Variants in BCAR3 observed in about 807,000 individuals in gnomAD.
The protein encoded by BCAR3 is BCAR3 adaptor protein, NSP family member.
Under a neutral mutation model 80.1 loss-of-function variants are expected in BCAR3, and 37 were observed. The ratio of observed to expected loss-of-function variants is 0.46; its 90% CI spans 0.36 to 0.61. BCAR3 has a LOEUF of 0.61. Ranked by LOEUF, BCAR3 falls within the 20% of genes least tolerant of loss-of-function variation. The probability of loss-of-function intolerance (pLI) is 0.00; values close to 1 mark genes in which losing one functional copy is unlikely to be tolerated. For missense variants in BCAR3, 978 were observed against 1,068.2 expected (o/e 0.92, Z 1.18); for synonymous variants, 389 against 418.9 (o/e 0.93, Z 0.87).
chr1:93,798,178 A>T (rs559942450), intron 2 of BCAR3, among the ~76,000 whole-genome samples: 1 of 152,318 alleles, frequency 6.6e-6, no homozygotes, highest in South Asian at 2.1e-4. Context: ...CAAAGGCAAA[A>T]TAGGGATGTG....
chr1:93,720,790 G>T (rs1293875525), intron 2 of BCAR3, among the ~76,000 whole-genome samples: 1 of 152,188 alleles, frequency 6.6e-6, no homozygotes, highest in African/African-American at 2.4e-5. Context: ...TACACACCCT[G>T]GGCCTGAGGG....
chr1:93,662,976 C>A (rs1400351051), intron 2 of BCAR3, among the ~76,000 whole-genome samples: 1 of 152,134 alleles, frequency 6.6e-6, no homozygotes, highest in African/African-American at 2.4e-5. Flanking sequence ...TCCAACATCA[C>A]ATGATTTGAT....
In BCAR3 at chr1:93,582,453, C is replaced by T. The variant is rs751496023; in HGVS notation, c.1534G>A (p.Val512Ile). The T allele has an allele frequency of 2.5e-6, 4 of 1,614,078 alleles. No individual in the cohort carries two copies. The Admixed American group carries it at 6.7e-5, about 27-fold the overall frequency. ...GEFVTPLLETVSSFRPNEFES... is the reference protein window; with the variant it reads ...GEFVTPLLETISSFRPNEFES... ...AACTCGTTGGGCCTGAAGGAGGAGACAGTCTCCAGGAGGGGCGTCACAAAC... is the reference window on the plus strand; with the variant it reads ...AACTCGTTGGGCCTGAAGGAGGAGATAGTCTCCAGGAGGGGCGTCACAAAC... Residue 512 changes from valine (V) to isoleucine (I), a missense_variant, in exon 7 of 12, where the codon GTC (valine) becomes ATC (isoleucine). Val to Ile is a conservative substitution (Grantham distance 29). Transcript: ENST00000260502.
At chr1:93,615,700 A>C (rs538959045) in intron 3 of BCAR3, among the ~76,000 whole-genome samples, 1 of 152,082 alleles carries the variant, frequency 6.6e-6, no homozygotes, top group Admixed American at 6.5e-5. Flanking sequence ...GCTTGCCCTC[A>C]TTTCCGTTAG....
At position 93,615,942 on chromosome 1, in the gene BCAR3, C is replaced by T. The variant is rs562685336; in HGVS notation, c.358-23549G>A. On this transcript the variant is annotated intron_variant, in intron 3 of 11. Coordinates refer to ENST00000260502, the MANE Select transcript of BCAR3 (RefSeq NM_003567.4). The stretch of plus-strand genomic sequence containing the variant: ...GGGGGGCAGTGACTGAAATCCTGCA[C>T]AGAAATTCGTGAGATTAGTCAGCCA... Among the ~76,000 whole-genome samples, 92 of 152,302 alleles carry T rather than the reference C, an allele frequency of 6.0e-4. 2 individuals carry two copies. The highest frequency in any genetic ancestry group is 2.1e-3 in the African/African-American group (89 of 41,560).
At chr1:93,618,924 GTT>G (rs796584340) in intron 3 of BCAR3, among the ~76,000 whole-genome samples, 9,241 of 135,958 alleles carry the variant, frequency 0.068, 987 homozygotes, top group African/African-American at 0.23. Context: ...GAAGCCGTGG[GTT>G]TTTTTTTTTT....
intron 3 of BCAR3, among the ~76,000 whole-genome samples, chr1:93,697,494 C>T (rs1309017719): frequency 6.6e-6 from 1 of 152,314 alleles, no homozygotes; most frequent in Non-Finnish European, 1.5e-5. Flanking sequence ...GACGCACTCT[C>T]TTGAACAGTC....
chr1:93,699,316 GA>G (rs927044345), intron 3 of BCAR3, among the ~76,000 whole-genome samples: 10 of 152,276 alleles, frequency 6.6e-5, no homozygotes, highest in African/African-American at 2.2e-4. Context: ...AAAACGAACA[GA>G]AAAAGTTTGA....
intron 2 of BCAR3, among the ~76,000 whole-genome samples, chr1:93,731,486 C>T (rs750517473): frequency 3.9e-4 from 59 of 152,100 alleles, no homozygotes; most frequent in Middle Eastern, 3.4e-3. Flanking sequence ...AGGGGAAAGC[C>T]GCTGGGCCTG....
At chr1:93,712,033 C>T (rs145986411) in intron 2 of BCAR3, among the ~76,000 whole-genome samples, 1 of 152,292 alleles carries the variant, frequency 6.6e-6, no homozygotes, top group East Asian at 1.9e-4. Context: ...ATTTCGTTTA[C>T]TGACTGTGTG....
rs138779055 is a variant in BCAR3 at position 93,716,624 on chromosome 1, C to T, written c.-62-10482G>A. Among the ~76,000 whole-genome samples, 17 of 152,294 alleles carry T rather than the reference C, an allele frequency of 1.1e-4. No individual in the cohort carries two copies. The East Asian group carries it at 1.9e-3, about 17-fold the overall frequency. The stretch of plus-strand genomic sequence containing the variant: ...CCAGAGTGTGGTAAGGTAGAGGGGA[C>T]GTTGAGACAACCAAGAGGAATGCCG... On this transcript the variant is annotated intron_variant, in intron 2 of 13. Coordinates refer to the BCAR3 transcript ENST00000370244.
intron 3 of BCAR3, among the ~76,000 whole-genome samples, chr1:93,638,027 A>G (rs188665345): frequency 2.4e-4 from 37 of 152,330 alleles, no homozygotes; most frequent in Non-Finnish European, 1.9e-4. Flanking sequence ...AGGTGAGTGG[A>G]TCACAAGGTC....
intron 3 of BCAR3, among the ~76,000 whole-genome samples, chr1:93,612,672 G>A (rs1209026838): frequency 6.6e-6 from 1 of 152,120 alleles, no homozygotes; most frequent in Non-Finnish European, 1.5e-5. Context: ...TACTGTTAAT[G>A]GCATGACTTC....
intron 2 of BCAR3, among the ~76,000 whole-genome samples, chr1:93,731,765 T>G (rs996375736): frequency 2.0e-5 from 3 of 152,240 alleles, no homozygotes; most frequent in Non-Finnish European, 2.9e-5. Context: ...GATTACAAAA[T>G]GAGATTCAAA....
At chr1:93,628,721 A>ACTCAT (rs1471665690) in intron 3 of BCAR3, among the ~76,000 whole-genome samples, 1 of 151,884 alleles carries the variant, frequency 6.6e-6, no homozygotes, top group African/African-American at 2.4e-5. Flanking sequence ...TCTGCTAAGC[A>ACTCAT]CTCATCGTCA....
chr1:93,840,151 C>T (rs541542462), intron 2 of BCAR3, among the ~76,000 whole-genome samples: 4 of 152,286 alleles, frequency 2.6e-5, no homozygotes, highest in South Asian at 2.1e-4. Context: ...GATTCTAGAG[C>T]GTGGTAGAGT....
intron 3 of BCAR3, among the ~76,000 whole-genome samples, chr1:93,703,408 T>C (rs1023374112): frequency 5.3e-5 from 8 of 151,996 alleles, no homozygotes; most frequent in African/African-American, 1.9e-4. Context: ...ACTCTGTCTC[T>C]ATTTAAAAAA....
chr1:93,817,272 G>A (rs1234532843), intron 2 of BCAR3, among the ~76,000 whole-genome samples: 2 of 152,236 alleles, frequency 1.3e-5, no homozygotes, highest in East Asian at 1.9e-4. Flanking sequence ...GCTGAAGGGG[G>A]TCACCCCCAG....
At chr1:93,666,060 T>C (rs1317062940) in intron 2 of BCAR3, among the ~76,000 whole-genome samples, 1 of 152,162 alleles carries the variant, frequency 6.6e-6, no homozygotes, top group East Asian at 1.9e-4. Context: ...ACCTCCTGCC[T>C]TCCCTCCTCA....
Sources: allele counts gnomAD v4.1 joint callset (sites outside exome capture counted in the v4.1 genomes callset), GRCh38; gene constraint gnomAD v4.1.1; transcripts MANE v1.5; gene names NCBI Gene and HGNC (gene_info 2026-07-23, HGNC 2026-07-21).